Variants in FAM185A observed in about 807,000 individuals in gnomAD.
The protein encoded by FAM185A is protein FAM185A.
Under a neutral mutation model 45.7 loss-of-function variants are expected in FAM185A, and 21 were observed. The observed-to-expected ratio is 0.46, with a 90% CI of 0.33 to 0.66. FAM185A has a LOEUF of 0.66. Among genes scored for constraint, FAM185A ranks in the 30% least tolerant of loss-of-function variants. The pLI is 0.03. For synonymous variants in FAM185A, 117 were observed against 194.0 expected, an observed-to-expected ratio of 0.60 and a Z score of 3.30; for missense variants, 305 against 485.4, an observed-to-expected ratio of 0.63 and a Z score of 3.49.
intron 6 of FAM185A, among the ~76,000 whole-genome samples, chr7:102,784,229 A>T (rs1795620743): frequency 6.6e-6 from 1 of 151,320 alleles, no homozygotes; most frequent in South Asian, 2.1e-4. Context: ...GACCAGATGG[A>T]TTCACAGCCG....
rs564861293 is a variant in FAM185A at position 102,755,161 on chromosome 7, G to A, written c.562-2693G>A. 3.7e-5 allele frequency: 14 copies of A among 375,498 alleles called. No homozygotes were observed. In the East Asian group the frequency reaches 5.3e-4, roughly 14 times the overall value. The allele number at this position is 375,498 out of a possible 1,614,324, so 23.3% of individuals were successfully genotyped here. On this transcript the variant is annotated intron_variant, in intron 2 of 7. Coordinates refer to ENST00000413034, the MANE Select transcript of FAM185A (RefSeq NM_001145268.2). ...GTCGCCCAAGATGCCGAAAGGAAAGGAGGCCAAGGGGAAGAAGTTGGCTCT... is the reference window on the plus strand; with the variant it reads ...GTCGCCCAAGATGCCGAAAGGAAAGAAGGCCAAGGGGAAGAAGTTGGCTCT...
At chr7:102,780,959 A>C (rs932233599) in intron 6 of FAM185A, among the ~76,000 whole-genome samples, 4 of 152,190 alleles carry the variant, frequency 2.6e-5, no homozygotes, top group African/African-American at 9.6e-5. Context: ...GGTCACTCCC[A>C]CCCTAATACT....
the FAM185A span, among the ~76,000 whole-genome samples, chr7:102,820,739 T>A: frequency 6.6e-6 from 1 of 152,240 alleles, no homozygotes. Context: ...CCCTAGCTCA[T>A]CCTTTTATCA....
intron 7 of FAM185A, among the ~76,000 whole-genome samples, chr7:102,800,059 G>T (rs1197098392): frequency 2.0e-5 from 3 of 152,184 alleles, no homozygotes; most frequent in Admixed American, 2.0e-4. Flanking sequence ...GAGACCCATA[G>T]ACGGTTCACA....
At chr7:102,813,675 G>T, downstream of FAM185A, 1 of 780,724 alleles carries the variant, frequency 1.3e-6, no homozygotes, top group Non-Finnish European at 2.1e-6. Context: ...TGAGAGTGAG[G>T]ATATGGGTAA....
At chr7:102,833,847 T>A in the FAM185A span, among the ~76,000 whole-genome samples, 1 of 151,968 alleles carries the variant, frequency 6.6e-6, no homozygotes, top group South Asian at 2.1e-4. Flanking sequence ...TATCAATACT[T>A]CTTAATTTTC....
intron 7 of FAM185A, among the ~76,000 whole-genome samples, chr7:102,792,842 T>G (rs1796214428): frequency 6.6e-6 from 1 of 151,944 alleles, no homozygotes; most frequent in Non-Finnish European, 1.5e-5. Flanking sequence ...ACAATGGAAT[T>G]GTTATTTATA....
At position 102,807,330 on chromosome 7, in the gene FAM185A, AC is replaced by A. The variant is rs567190661; in HGVS notation, c.1067-959del. ...ATTTTTACCTATGTCAAAACTTACT[AC>A]ATTGTATACTTTAAGTACATGTAGT... is the stretch of plus-strand genomic sequence containing the variant. On this transcript the variant is annotated intron_variant, in intron 7 of 7. Transcript: ENST00000413034. Among the ~76,000 whole-genome samples the A allele has an allele frequency of 2.3e-4, 35 of 152,328 alleles. No homozygotes were observed. In the East Asian group the frequency reaches 6.6e-3, roughly 29 times the overall value.
At position 102,761,427 on chromosome 7, in the gene FAM185A, C is replaced by G; in HGVS notation, c.793+16C>G. Reference sequence around the variant, plus strand: ...AGTGTTCATGGTAAGCTGACAAAGGCATAATACATCTGAGACTTTCCACAT... The same window carrying G: ...AGTGTTCATGGTAAGCTGACAAAGGGATAATACATCTGAGACTTTCCACAT... On this transcript the variant is annotated intron_variant, in intron 4 of 7. Transcript: ENST00000413034. 1 of 1,486,712 alleles carries G rather than the reference C, an allele frequency of 6.7e-7. No individual in the cohort carries two copies. Among genetic ancestry groups the G allele is most frequent in the East Asian group, 2.8e-5 (1 of 36,190 alleles). The allele number at this position is 1,486,712 out of a possible 1,614,324, so 92.1% of individuals were successfully genotyped here.
At chr7:102,770,099 A>G (rs899521388) in intron 4 of FAM185A, among the ~76,000 whole-genome samples, 9 of 152,244 alleles carry the variant, frequency 5.9e-5, no homozygotes, top group African/African-American at 2.2e-4. Flanking sequence ...GAATCTCCTT[A>G]AAGCATGGTT....
At chr7:102,795,628 G>A (rs1410139278) in intron 7 of FAM185A, among the ~76,000 whole-genome samples, 2 of 152,122 alleles carry the variant, frequency 1.3e-5, no homozygotes, top group African/African-American at 2.4e-5. Context: ...ATCAAGACAG[G>A]GTTCACAGGA....
At chr7:102,774,216 C>T (rs962463046) in intron 5 of FAM185A, among the ~76,000 whole-genome samples, 3 of 152,100 alleles carry the variant, frequency 2.0e-5, no homozygotes, top group African/African-American at 7.2e-5. Context: ...ACAAATGAGA[C>T]AGTTTTTAAG....
chr7:102,781,023 A>C (rs533918719), intron 6 of FAM185A, among the ~76,000 whole-genome samples: 3 of 152,320 alleles, frequency 2.0e-5, no homozygotes, highest in East Asian at 1.9e-4. Context: ...TATCCCACGC[A>C]TGGCTCTGAG....
At chr7:102,816,055 T>C in the FAM185A span, 3 of 152,218 alleles carry the variant, frequency 2.0e-5, no homozygotes, top group African/African-American at 7.2e-5. Flanking sequence ...TGCCCACTGG[T>C]ATATGCATTT....
intron 7 of FAM185A, among the ~76,000 whole-genome samples, chr7:102,793,427 G>T (rs1415714466): frequency 1.3e-5 from 2 of 152,018 alleles, no homozygotes; most frequent in Non-Finnish European, 2.9e-5. Context: ...GGCCAGGCTG[G>T]TCTCACCTCC....
intron 6 of FAM185A, among the ~76,000 whole-genome samples, chr7:102,784,375 C>CA (rs1392056259): frequency 6.6e-6 from 1 of 151,522 alleles, no homozygotes; most frequent in African/African-American, 2.4e-5. Context: ...GGCAGAGACA[C>CA]ACAAAAAAAG....
chr7:102,776,116 A>ACATATACACACACACACACACTCACAC (rs1198677194), intron 5 of FAM185A, among the ~76,000 whole-genome samples: 1 of 126,598 alleles, frequency 7.9e-6, no homozygotes. Flanking sequence ...ACACACACAC[A>ACATATACACACACACACACACTCACAC]AATGTTTTCT....
chr7:102,825,955 CATGT>C, the FAM185A span, among the ~76,000 whole-genome samples: 1 of 152,176 alleles, frequency 6.6e-6, no homozygotes, highest in African/African-American at 2.4e-5. Flanking sequence ...TAAAGGAGAA[CATGT>C]ATGTGACCAG....
chr7:102,807,193 G>A (rs1381113455), intron 7 of FAM185A, among the ~76,000 whole-genome samples: 1 of 152,000 alleles, frequency 6.6e-6, no homozygotes, highest in Non-Finnish European at 1.5e-5. Context: ...GGTGGGGGTC[G>A]GAGGGTGACA....
Sources: allele counts gnomAD v4.1 joint callset (sites outside exome capture counted in the v4.1 genomes callset), GRCh38; gene constraint gnomAD v4.1.1; transcripts MANE v1.5; gene names NCBI Gene and HGNC (gene_info 2026-07-23, HGNC 2026-07-21).